The following SMYD1 variants were observed in gnomAD, a reference collection of about 807,000 sequenced individuals.
SMYD1 encodes the protein histone-lysine N-methyltransferase SMYD1.
Under a neutral mutation model 54.0 loss-of-function variants are expected in SMYD1, and 49 were observed. That is an observed-to-expected ratio of 0.91 (90% CI 0.72 to 1.15). The LOEUF is 1.15. SMYD1 is among the 50% of genes most tolerant of loss of function. The pLI is 0.00. For synonymous variants in SMYD1, 269 were observed against 234.2 expected (o/e 1.15, Z -1.36); for missense variants, 653 against 639.6 (o/e 1.02, Z -0.23).
intron 3 of SMYD1, among the ~76,000 whole-genome samples, chr2:88,090,633 T>TCA (rs758471872): frequency 3.1e-4 from 47 of 151,026 alleles, no homozygotes; most frequent in East Asian, 1.8e-3. Flanking sequence ...AAGGAAAAGC[T>TCA]CACACACACA....
intron 1 of SMYD1, among the ~76,000 whole-genome samples, chr2:88,081,668 T>A (rs934272760): frequency 2.6e-5 from 4 of 152,100 alleles, no homozygotes; most frequent in Non-Finnish European, 5.9e-5. Context: ...ACTTCTGACC[T>A]CAGGTGATCT....
intron 6 of SMYD1, among the ~76,000 whole-genome samples, chr2:88,100,609 T>C (rs1259454121): frequency 6.6e-6 from 1 of 152,206 alleles, no homozygotes; most frequent in Non-Finnish European, 1.5e-5. Flanking sequence ...CACAGAACTC[T>C]GCACAACCAG....
chr2:88,075,371 G>C (rs1674035660), intron 1 of SMYD1, among the ~76,000 whole-genome samples: 1 of 152,080 alleles, frequency 6.6e-6, no homozygotes, highest in East Asian at 1.9e-4. Flanking sequence ...CATGAATTGA[G>C]GGGGGTGCTT....
At chr2:88,078,288 G>A (rs1213187154) in intron 1 of SMYD1, among the ~76,000 whole-genome samples, 1 of 152,186 alleles carries the variant, frequency 6.6e-6, no homozygotes, top group Non-Finnish European at 1.5e-5. Context: ...ATCACTATGA[G>A]AGTGGTGAGA....
At chr2:88,068,536 TTCCTTCTA>T (rs1673880238) in intron 1 of SMYD1, among the ~76,000 whole-genome samples, 1 of 152,132 alleles carries the variant, frequency 6.6e-6, no homozygotes, top group South Asian at 2.1e-4. Flanking sequence ...TTCAATGTAT[TTCCTTCTA>T]GAATGTTCCT....
intron 9 of SMYD1, among the ~76,000 whole-genome samples, chr2:88,108,909 G>A (rs1287740751): frequency 6.6e-6 from 1 of 152,116 alleles, no homozygotes; most frequent in Non-Finnish European, 1.5e-5. Flanking sequence ...AGAGGCAGAG[G>A]TGCCAGGCTT....
At position 88,108,427 on chromosome 2, in the gene SMYD1, T is replaced by C; in HGVS notation, c.1202T>C (p.Leu401Pro). The C allele has an allele frequency of 6.2e-7, 1 of 1,613,030 alleles. No homozygotes were observed. The highest frequency in any genetic ancestry group is 8.5e-7 in the Non-Finnish European group (1 of 1,179,538). Residue 401 changes from leucine to proline, a missense_variant, in exon 9 of 10, where the codon CTG (leucine) becomes CCG (proline). Leu to Pro is a moderately conservative substitution (Grantham distance 98). Transcript: ENST00000419482. ...QLGMAVMRAG[L>P]TNWHAGNIEV... The stretch of plus-strand genomic sequence containing the variant: ...GGCATGGCCGTGATGCGGGCAGGGC[T>C]GACCAACTGGCATGCTGGTAACATT...
chr2:88,100,934 A>G (rs757419422), intron 6 of SMYD1, among the ~76,000 whole-genome samples: 1 of 152,202 alleles, frequency 6.6e-6, no homozygotes, highest in East Asian at 1.9e-4. Context: ...GGAGGCCCAG[A>G]TACAGAAGGA....
intron 8 of SMYD1, among the ~76,000 whole-genome samples, chr2:88,106,822 C>T (rs1674886886): frequency 6.6e-6 from 1 of 152,148 alleles, no homozygotes; most frequent in Non-Finnish European, 1.5e-5. Context: ...GCCCTCCACC[C>T]TGTAATCAAC....
chr2:88,091,054 CAGGCCGTGGGCGT>C lies in SMYD1; in HGVS notation c.576_588del (p.Val193SerfsTer8). On this transcript the variant is annotated frameshift_variant, in exon 4 of 10. Transcript: ENST00000419482. LOFTEE classifies it high-confidence loss of function. The stretch of plus-strand genomic sequence containing the variant: ...TACTCTCAGTGATCAGAGAGGCCTG[CAGGCCGTGGGCGT>C]AGGCATCTTCCCCAACCTGGGCCTG... 1 of 1,614,118 alleles carries C rather than the reference CAGGCCGTGGGCGT, an allele frequency of 6.2e-7. No homozygotes were observed. Among genetic ancestry groups the C allele is most frequent in the Non-Finnish European group, 8.5e-7 (1 of 1,180,008 alleles).
chr2:88,091,270 A>G (rs1158813002), intron 4 of SMYD1, 128 bp downstream of exon 4: 34 of 976,178 alleles, frequency 3.5e-5, no homozygotes, highest in Admixed American at 5.3e-5. Flanking sequence ...TGTATAGCAC[A>G]TAGAAATCTC....
chr2:88,080,396 T>C (rs1200016248), intron 1 of SMYD1, among the ~76,000 whole-genome samples: 1 of 152,218 alleles, frequency 6.6e-6, no homozygotes, highest in Non-Finnish European at 1.5e-5. Context: ...TGTGTGAATA[T>C]ATGTATATGA....
intron 1 of SMYD1, among the ~76,000 whole-genome samples, chr2:88,079,664 T>C (rs1674144239): frequency 1.3e-5 from 2 of 151,980 alleles, no homozygotes; most frequent in African/African-American, 2.4e-5. Context: ...TACTAAAAAA[T>C]ACAAAAATTA....
chr2:88,106,636 C>T, intron 8 of SMYD1, 148 bp downstream of exon 8: 1 of 798,456 alleles, frequency 1.3e-6, no homozygotes, highest in Non-Finnish European at 1.9e-6. Flanking sequence ...TTGACTGAGT[C>T]TTTTTATCAT....
At position 88,112,359 on chromosome 2, in the gene SMYD1, T is replaced by C; in HGVS notation, c.*1847T>C. On this transcript the variant is annotated 3_prime_UTR_variant, in exon 10 of 10. Transcript: ENST00000419482. ...TCTTTAACAAACTGTGTTCTGTGTC[T>C]GTGCTCCTCCTTCCCTCTCAGACCA... The C allele has an allele frequency of 1.8e-6, 1 of 570,458 alleles. No individual in the cohort carries two copies. Among genetic ancestry groups the C allele is most frequent in the East Asian group, 2.9e-5 (1 of 34,486 alleles). The allele number at this position is 570,458 out of a possible 1,614,324, so 35.3% of individuals were successfully genotyped here.
Position 88,096,766 on chromosome 2 carries a change from G to A in SMYD1, c.870G>A (p.Gly290=). Residue 290 remains glycine, a synonymous_variant, in exon 6 of 10, where the codon GGG becomes GGA. Transcript: ENST00000419482. Reference sequence around the variant, plus strand: ...AACTGAAGGATGACCTCTTCCTGGGGGTGAAAGACAACCCCAAGGTACACA... The same window carrying A: ...AACTGAAGGATGACCTCTTCCTGGGAGTGAAAGACAACCCCAAGGTACACA... ...QKKLKDDLFL[G]VKDNPKPSQE... 6.2e-7 allele frequency: 1 copy of A among 1,613,574 alleles called. No individual in the cohort carries two copies. Among genetic ancestry groups the A allele is most frequent in the Non-Finnish European group, 8.5e-7 (1 of 1,179,766 alleles).
In SMYD1 at chr2:88,099,316, C is replaced by T. The variant is rs559535833; in HGVS notation, c.888+2532C>T. On this transcript the variant is annotated intron_variant, in intron 6 of 9. Coordinates refer to ENST00000419482, the MANE Select transcript of SMYD1 (RefSeq NM_198274.4). ...GCCTAGGCTGGTCTCAAATTCCTGG[C>T]CTCAAGTGATCCGCCCGCCTCAGCC... Among the ~76,000 whole-genome samples the T allele has an allele frequency of 8.1e-4, 123 of 152,000 alleles. 3 individuals carry two copies. In the South Asian group the frequency reaches 0.024, roughly 30 times the overall value.
At chr2:88,068,504 C>T (rs1673879367) in intron 1 of SMYD1, among the ~76,000 whole-genome samples, 1 of 152,124 alleles carries the variant, frequency 6.6e-6, no homozygotes, top group Admixed American at 6.5e-5. Context: ...TGTCTTTCCT[C>T]AGATATTACC....
At chr2:88,106,738 A>G (rs2970920) in intron 8 of SMYD1, among the ~76,000 whole-genome samples, 33,769 of 152,148 alleles carry the variant, frequency 0.22, 4,441 homozygotes, top group East Asian at 0.52. Context: ...CAGCACATCT[A>G]TCACTTGGGT....
Sources: gnomAD v4.1 joint callset for allele counts (sites outside exome capture counted in the v4.1 genomes callset) on GRCh38, gnomAD v4.1.1 for gene constraint, MANE v1.5 for transcripts, NCBI Gene and HGNC (gene_info 2026-07-23, HGNC 2026-07-21) for gene names.